The following PPM1L variants were observed in gnomAD, a reference collection of about 807,000 sequenced individuals.
PPM1L encodes the protein protein phosphatase 1L.
A neutral mutation model predicts 31.4 loss-of-function variants in PPM1L; 13 were observed. The observed-to-expected ratio is 0.41, with a 90% CI of 0.27 to 0.66. The LOEUF is 0.66. Ranked by LOEUF, PPM1L falls within the 30% of genes least tolerant of loss-of-function variation. The pLI is 0.29. For synonymous variants in PPM1L, 184 were observed against 175.4 expected, an observed-to-expected ratio of 1.05 and a Z score of -0.39; for missense variants, 326 against 453.7, an observed-to-expected ratio of 0.72 and a Z score of 2.56.
At chr3:160,944,814 ATATAT>A (rs1715294154) in intron 1 of PPM1L, among the ~76,000 whole-genome samples, 2 of 28,322 alleles carry the variant, frequency 7.1e-5, no homozygotes, top group Admixed American at 9.2e-4. Flanking sequence ...TATATAACAT[ATATAT>A]GTTATATATA....
chr3:160,975,077 A>C (rs1490557031), intron 2 of PPM1L, among the ~76,000 whole-genome samples: 2 of 151,778 alleles, frequency 1.3e-5, no homozygotes, highest in African/African-American at 4.8e-5. Context: ...ATCCAGTTTC[A>C]GCTTTCTACG....
In PPM1L at chr3:160,950,380, C is replaced by T. The variant is rs79812635; in HGVS notation, c.400-11356C>T. 4.2e-3 allele frequency among the ~76,000 whole-genome samples: 638 copies of T among 152,240 alleles called. 7 individuals are homozygous for T. Among genetic ancestry groups the T allele is most frequent in the African/African-American group, 0.015 (606 of 41,540 alleles). ...GGGAAAACGATTTGGGGATGGGGATCCTTTTGGGGTTACTCACATCACGCT... is the reference window on the plus strand; with the variant it reads ...GGGAAAACGATTTGGGGATGGGGATTCTTTTGGGGTTACTCACATCACGCT... On this transcript the variant is annotated intron_variant, in intron 1 of 3. Coordinates refer to ENST00000498165, the MANE Select transcript of PPM1L (RefSeq NM_139245.4).
At chr3:160,836,315 G>A (rs572354151) in intron 1 of PPM1L, among the ~76,000 whole-genome samples, 4 of 148,216 alleles carry the variant, frequency 2.7e-5, no homozygotes, top group Non-Finnish European at 5.9e-5. Flanking sequence ...GGAAGGAAAG[G>A]AAGAGAGAGA....
At chr3:160,795,968 T>G (rs1239802936) in intron 1 of PPM1L, among the ~76,000 whole-genome samples, 1 of 152,206 alleles carries the variant, frequency 6.6e-6, no homozygotes, top group Non-Finnish European at 1.5e-5. Flanking sequence ...CTAATAAGGT[T>G]GATCTTAGGG....
chr3:160,972,894 A>G (rs951837269), intron 2 of PPM1L, among the ~76,000 whole-genome samples: 1 of 152,132 alleles, frequency 6.6e-6, no homozygotes, highest in Non-Finnish European at 1.5e-5. Context: ...TCGCCATTGT[A>G]ACTGGTGTGA....
chr3:161,046,289 C>T (rs1719066443), intron 2 of PPM1L, among the ~76,000 whole-genome samples: 1 of 151,782 alleles, frequency 6.6e-6, no homozygotes. Context: ...TACAAACTAC[C>T]ATCAGAGAAT....
chr3:161,046,988 G>A (rs574474070), intron 2 of PPM1L, among the ~76,000 whole-genome samples: 48 of 152,262 alleles, frequency 3.2e-4, no homozygotes, highest in African/African-American at 1.2e-3. Flanking sequence ...ATATCATACT[G>A]AATGGGCAAA....
chr3:160,920,613 T>TCA (rs1342261518), intron 1 of PPM1L, among the ~76,000 whole-genome samples: 109 of 26,940 alleles, frequency 4.0e-3, no homozygotes, highest in East Asian at 0.014. Flanking sequence ...TCTCTCTCTC[T>TCA]CTCACACACA....
intron 1 of PPM1L, among the ~76,000 whole-genome samples, chr3:160,915,528 AT>A (rs1355788651): frequency 6.6e-6 from 1 of 152,178 alleles, no homozygotes; most frequent in Non-Finnish European, 1.5e-5. Context: ...CAAGCTGCCA[AT>A]GACTTTCTTC....
intron 1 of PPM1L, among the ~76,000 whole-genome samples, chr3:160,897,627 T>G (rs1312117820): frequency 6.6e-6 from 1 of 152,232 alleles, no homozygotes; most frequent in African/African-American, 2.4e-5. Context: ...GATTTCTTTT[T>G]CCTGATTTGT....
At chr3:160,903,746 G>C (rs1264432290) in intron 1 of PPM1L, among the ~76,000 whole-genome samples, 2 of 152,136 alleles carry the variant, frequency 1.3e-5, no homozygotes, top group African/African-American at 4.8e-5. Flanking sequence ...GGGAAAGGGA[G>C]AGGGATAAAG....
In PPM1L at chr3:161,073,052, T is replaced by C. The variant is rs1719982082; in HGVS notation, c.*3895T>C. ...TAGCTAGACTTTTGAGCTAGTTAGC[T>C]GTAGAAATAATAGAATCCAGTGTTT... On this transcript the variant is annotated 3_prime_UTR_variant, in exon 4 of 4. Transcript: ENST00000498165. 1 of 152,224 alleles carries C rather than the reference T, an allele frequency of 6.6e-6. No homozygotes were observed. Among genetic ancestry groups the C allele is most frequent in the Non-Finnish European group, 1.5e-5 (1 of 68,036 alleles). 9.4% of individuals were successfully genotyped at this position (152,224 alleles called of 1,614,324 possible).
chr3:160,784,201 C>G (rs957168482), intron 1 of PPM1L, among the ~76,000 whole-genome samples: 23 of 152,020 alleles, frequency 1.5e-4, no homozygotes, highest in African/African-American at 5.3e-4. Flanking sequence ...TATACTGATA[C>G]CTATATGTGT....
At chr3:160,930,778 C>T (rs373716107) in intron 1 of PPM1L, among the ~76,000 whole-genome samples, 47 of 152,224 alleles carry the variant, frequency 3.1e-4, no homozygotes, top group African/African-American at 9.1e-4. Context: ...AGTTCTTACA[C>T]GCCTGGAGTG....
chr3:160,839,078 T>C (rs1009473909), intron 1 of PPM1L, among the ~76,000 whole-genome samples: 1 of 152,208 alleles, frequency 6.6e-6, no homozygotes, highest in Non-Finnish European at 1.5e-5. Flanking sequence ...TGCTCTGTTA[T>C]GACATGGCAA....
At chr3:161,054,103 C>A (rs567971442) in intron 2 of PPM1L, among the ~76,000 whole-genome samples, 15 of 152,050 alleles carry the variant, frequency 9.9e-5, no homozygotes, top group Non-Finnish European at 2.1e-4. Flanking sequence ...TCAGGGGATT[C>A]ACATGAGCCT....
intron 1 of PPM1L, among the ~76,000 whole-genome samples, chr3:160,819,295 A>C (rs1045124103): frequency 6.6e-6 from 1 of 152,074 alleles, no homozygotes; most frequent in Non-Finnish European, 1.5e-5. Flanking sequence ...ATTTAATATA[A>C]CATAAGAAAC....
intron 1 of PPM1L, among the ~76,000 whole-genome samples, chr3:160,813,963 G>A (rs1426559053): frequency 6.6e-6 from 1 of 152,144 alleles, no homozygotes; most frequent in Non-Finnish European, 1.5e-5. Flanking sequence ...TGCACCAATG[G>A]TATAGTCTAC....
intron 2 of PPM1L, among the ~76,000 whole-genome samples, chr3:160,974,448 C>T (rs1275586745): frequency 6.6e-6 from 1 of 151,086 alleles, no homozygotes; most frequent in Non-Finnish European, 1.5e-5. Context: ...AATCGCCACA[C>T]TGACTTCCAC....
Sources: allele counts gnomAD v4.1 joint callset (sites outside exome capture counted in the v4.1 genomes callset), GRCh38; gene constraint gnomAD v4.1.1; transcripts MANE v1.5; gene names NCBI Gene and HGNC (gene_info 2026-07-23, HGNC 2026-07-21).